ECT2: variants seen among roughly 807,000 people sequenced by gnomAD.
ECT2 encodes epithelial cell transforming 2.
In ECT2, 61 loss-of-function variants were observed where a neutral mutation model predicts 116.9. The observed-to-expected ratio is 0.52, with a 90% CI of 0.42 to 0.65. The LOEUF is 0.65. Among genes scored for constraint, ECT2 ranks in the 30% least tolerant of loss-of-function variants. The pLI, the probability that ECT2 is intolerant of heterozygous loss-of-function variation, is 0.00. For missense variants in ECT2, 937 were observed against 1,078.7 expected (o/e 0.87, Z 1.84); for synonymous variants, 358 against 346.4 (o/e 1.03, Z -0.37).
chr3:172,768,408 A>G (rs980964203), intron 12 of ECT2, among the ~76,000 whole-genome samples: 4 of 152,216 alleles, frequency 2.6e-5, no homozygotes, highest in African/African-American at 9.6e-5. Flanking sequence ...GATATAATAC[A>G]CACGTGCACA....
chr3:172,764,415 T>A lies in ECT2; in HGVS notation c.1206T>A (p.Arg402=). 1.2e-6 allele frequency: 2 copies of A among 1,614,176 alleles called. No individual in the cohort carries two copies. The highest frequency in any genetic ancestry group is 1.1e-5 in the South Asian group (1 of 91,086). The part of the protein sequence containing the change: ...RETDVSPFPP[R]KRPSAEHSLS... ...CAGACGTGTCACCATTTCCACCCCG[T>A]AAGCGCCCATCAGCTGAGCATTCCC... The change falls in exon 12 of 25, where the codon CGT becomes CGA. Residue 402 remains arginine (R), a synonymous_variant. Transcript: ENST00000392692.
intron 15 of ECT2, 84 bp from the exon 16 acceptor site, chr3:172,783,715 T>C (rs1723118859): frequency 1.2e-6 from 1 of 839,924 alleles, no homozygotes. Context: ...AGATTGTGAC[T>C]ACTAATTATT....
In ECT2 at chr3:172,774,011, A is replaced by G; in HGVS notation, c.1537A>G (p.Thr513Ala). 6.2e-7 allele frequency: 1 copy of G among 1,611,040 alleles called. No homozygotes were observed. Among genetic ancestry groups the G allele is most frequent in the Non-Finnish European group, 8.5e-7 (1 of 1,177,400 alleles). ...GSIPDIFDVH[T>A]KIKDDLEDLI... ...CATCCCAGATATCTTTGATGTACACACTAAGATAAAGGTAAATTTGTATAT... is the reference window on the plus strand; with the variant it reads ...CATCCCAGATATCTTTGATGTACACGCTAAGATAAAGGTAAATTTGTATAT... The change falls in exon 14 of 25, where the codon ACT becomes GCT. Residue 513 changes from threonine (T) to alanine (A), a missense_variant. Transcript: ENST00000392692.
chr3:172,774,178 T>C (rs571578106), intron 14 of ECT2, among the ~76,000 whole-genome samples, 156 bp downstream of exon 14: 5 of 152,136 alleles, frequency 3.3e-5, no homozygotes, highest in Admixed American at 6.6e-5. Context: ...TTTGTTCCAG[T>C]GCCTCATAAT....
Position 172,757,103 on chromosome 3 carries a change from T to C in ECT2, c.424T>C (p.Tyr142His). 1 of 1,597,180 alleles carries C rather than the reference T, an allele frequency of 6.3e-7. No individual in the cohort carries two copies. The highest frequency in any genetic ancestry group is 1.1e-5 in the South Asian group (1 of 87,076). ...DFQDSVFNDL[Y>H]KADCRVIGPP... ...TCAGGATTCTGTCTTTAATGACCTC[T>C]ACAAGGCTGATTGTAGAGTTATTGG... The change falls in exon 5 of 25, where the codon TAC becomes CAC. Residue 142 changes from tyrosine (Y) to histidine (H), a missense_variant. Tyr to His is a moderately conservative substitution (Grantham distance 83, BLOSUM62 2). Coordinates refer to ENST00000392692, the MANE Select transcript of ECT2 (RefSeq NM_001258315.2).
chr3:172,761,602 A>G lies in ECT2; in HGVS notation c.685-8A>G, dbSNP rs775988836. On this transcript the variant is annotated splice_polypyrimidine_tract_variant and splice_region_variant and intron_variant, in intron 7 of 24. Coordinates refer to ENST00000392692, the MANE Select transcript of ECT2 (RefSeq NM_001258315.2). ...GGAGAAAATTCACTGTAATGTTTAT[A>G]TTTTTAGGTTGCTGTGAGTCTAGGT... 7 of 1,595,950 alleles carry G rather than the reference A, an allele frequency of 4.4e-6. No homozygotes were observed. The highest frequency in any genetic ancestry group is 6.0e-6 in the Non-Finnish European group (7 of 1,164,834).
intron 12 of ECT2, among the ~76,000 whole-genome samples, chr3:172,765,400 A>G (rs976124416): frequency 3.3e-5 from 5 of 152,136 alleles, no homozygotes; most frequent in African/African-American, 7.2e-5. Flanking sequence ...TATGGTTTTG[A>G]AAAGCATTTG....
chr3:172,756,309 T>A lies in ECT2; in HGVS notation c.304-674T>A, dbSNP rs575908182. 4.6e-5 allele frequency among the ~76,000 whole-genome samples: 7 copies of A among 152,314 alleles called. No homozygotes were observed. The South Asian group carries it at 6.2e-4, about 14-fold the overall frequency. ...TTGAGTTAAAAAAAAATTTTTTTTT[T>A]AATTTAACACGAGTTACAAGAGTTA... On this transcript the variant is annotated intron_variant, in intron 4 of 24. Coordinates refer to ENST00000392692, the MANE Select transcript of ECT2 (RefSeq NM_001258315.2).
At chr3:172,805,997 G>A in intron 21 of ECT2, 128 bp downstream of exon 21, 1 of 993,796 alleles carries the variant, frequency 1.0e-6, no homozygotes, top group South Asian at 1.8e-5. Context: ...GACTGCTAAA[G>A]TAATTGTTCT....
At chr3:172,756,054 G>C (rs1210482863) in intron 4 of ECT2, among the ~76,000 whole-genome samples, 2 of 152,136 alleles carry the variant, frequency 1.3e-5, no homozygotes, top group Admixed American at 1.3e-4. Context: ...GTGTGTCCTT[G>C]CATCCCTGGT....
At position 172,778,281 on chromosome 3, in the gene ECT2, A is replaced by G. The variant is rs554421139; in HGVS notation, c.1549-3882A>G. 3.6e-4 allele frequency among the ~76,000 whole-genome samples: 55 copies of G among 152,316 alleles called. 1 individual carries two copies. The South Asian group carries it at 4.1e-3, about 11-fold the overall frequency. ...TTAGAGGAAAAGTTAAGAGAATCCTATGAGAATTTCTGATGTATTATAGAC... is the reference window on the plus strand; with the variant it reads ...TTAGAGGAAAAGTTAAGAGAATCCTGTGAGAATTTCTGATGTATTATAGAC... On this transcript the variant is annotated intron_variant, in intron 14 of 24. Transcript: ENST00000392692.
intron 8 of ECT2, 87 bp downstream of exon 8, chr3:172,761,770 A>G (rs536386284): frequency 4.5e-6 from 4 of 894,748 alleles, no homozygotes; most frequent in South Asian, 3.7e-5. Context: ...AAGTAATTTC[A>G]TAGATATAAA....
At chr3:172,787,721 A>G (rs1353374912) in intron 18 of ECT2, among the ~76,000 whole-genome samples, 1 of 152,142 alleles carries the variant, frequency 6.6e-6, no homozygotes, top group African/African-American at 2.4e-5. Flanking sequence ...CTTTTCAACA[A>G]ACTTTATGAA....
At chr3:172,797,054 C>G (rs367964808) in intron 18 of ECT2, among the ~76,000 whole-genome samples, 79 of 48,638 alleles carry the variant, frequency 1.6e-3, no homozygotes, top group Middle Eastern at 0.014. Context: ...GTGTGTGTGT[C>G]AGGGTCTCAT....
intron 12 of ECT2, among the ~76,000 whole-genome samples, chr3:172,768,265 A>G (rs1463144033): frequency 6.6e-6 from 1 of 152,082 alleles, no homozygotes; most frequent in Non-Finnish European, 1.5e-5. Context: ...GTATTTTTAC[A>G]TCTCCCTTTC....
the ECT2 span, among the ~76,000 whole-genome samples, chr3:172,827,154 C>T: frequency 1.3e-5 from 2 of 152,132 alleles, no homozygotes; most frequent in African/African-American, 4.8e-5. Flanking sequence ...TGTTCGAGAA[C>T]ATAAAGGGTG....
At chr3:172,810,287 TTTTTCAAAAC>T (rs1342620115) in intron 22 of ECT2, among the ~76,000 whole-genome samples, 2 of 152,174 alleles carry the variant, frequency 1.3e-5, no homozygotes, top group Non-Finnish European at 2.9e-5. Context: ...TCTTTTGAAA[TTTTTCAAAAC>T]TTTTCAAAAC....
chr3:172,758,393 A>G (rs1271956385), intron 5 of ECT2, among the ~76,000 whole-genome samples: 1 of 152,124 alleles, frequency 6.6e-6, no homozygotes, highest in Non-Finnish European at 1.5e-5. Flanking sequence ...TAAAAGGCCA[A>G]ATTTTGAAAA....
intron 15 of ECT2, 68 bp from the exon 16 acceptor site, chr3:172,783,731 T>C: frequency 9.6e-7 from 1 of 1,044,178 alleles, no homozygotes; most frequent in South Asian, 1.4e-5. Context: ...TTATTTGACT[T>C]TAAGTTACAT....
Sources: gnomAD v4.1 joint callset for allele counts (sites outside exome capture counted in the v4.1 genomes callset) on GRCh38, gnomAD v4.1.1 for gene constraint, MANE v1.5 for transcripts, NCBI Gene and HGNC (gene_info 2026-07-23, HGNC 2026-07-21) for gene names.